ARHGAP35: variants seen among roughly 807,000 people sequenced by gnomAD.
ARHGAP35 encodes rho GTPase-activating protein 35.
Under a neutral mutation model 111.1 loss-of-function variants are expected in ARHGAP35, and 15 were observed. The ratio of observed to expected loss-of-function variants is 0.13; its 90% CI spans 0.09 to 0.21. The LOEUF is 0.21. ARHGAP35 is among the 10% of genes least tolerant of loss of function. ARHGAP35 has a pLI of 1.00. For missense variants in ARHGAP35, 1,262 were observed against 1,873.0 expected (o/e 0.67, Z 6.02); for synonymous variants, 643 against 710.3 (o/e 0.91, Z 1.51).
At chr19:46,873,778 T>C (rs2055901125) in intron 1 of ARHGAP35, among the ~76,000 whole-genome samples, 1 of 152,060 alleles carries the variant, frequency 6.6e-6, no homozygotes, top group Admixed American at 6.5e-5. Flanking sequence ...GACGGAGTTT[T>C]GCCCTTGTTG....
Position 46,868,379 on chromosome 19 carries a change from CTATA to C in ARHGAP35, c.-189+7173_-189+7176del, listed in dbSNP as rs1490806800. Among the ~76,000 whole-genome samples the C allele has an allele frequency of 2.6e-5, 4 of 152,232 alleles. No homozygotes were observed. In the East Asian group the frequency reaches 7.7e-4, roughly 29 times the overall value. ...TTTATGGTCAATTGTAAACAATTAA[CTATA>C]TAGGGTGAAGGGAAGTAAATGTTGA... On this transcript the variant is annotated intron_variant, in intron 1 of 6. Coordinates refer to ENST00000672722, the MANE Select transcript of ARHGAP35 (RefSeq NM_004491.5).
In ARHGAP35 at chr19:46,994,483, C is replaced by T. The variant is rs1568490395; in HGVS notation, c.4036+4808C>T. ...TCCCCAGGCCTCTGGCTTGGAGCCT[C>T]GGGAGTCTGTGCTTGACCACACCCA... On this transcript the variant is annotated intron_variant, in intron 5 of 6. Transcript: ENST00000672722. This position sits in a 1 kb window ranked among gnomAD's most constrained non-coding sequence, Gnocchi z 5.4. 1.3e-5 allele frequency among the ~76,000 whole-genome samples: 2 copies of T among 152,166 alleles called. No homozygotes were observed. Among genetic ancestry groups the T allele is most frequent in the South Asian group, 4.1e-4 (2 of 4,828 alleles).
intron 3 of ARHGAP35, among the ~76,000 whole-genome samples, chr19:46,952,488 A>C (rs901005102): frequency 3.9e-5 from 6 of 152,244 alleles, no homozygotes; most frequent in African/African-American, 1.4e-4. Context: ...AGTAATTCTC[A>C]AATGTGCAAA....
Position 46,908,154 on chromosome 19 carries a change from C to G in ARHGAP35, c.-188-10334C>G, listed in dbSNP as rs1335750508. Among the ~76,000 whole-genome samples, 3 of 152,092 alleles carry G rather than the reference C, an allele frequency of 2.0e-5. No individual in the cohort carries two copies. The highest frequency in any genetic ancestry group is 7.2e-5 in the African/African-American group (3 of 41,420). Reference sequence around the variant, plus strand: ...CAGGGACATTTATATAGAGAATGTTCTTTCAAAAAGAACTTTTTTCCTAGT... The same window carrying G: ...CAGGGACATTTATATAGAGAATGTTGTTTCAAAAAGAACTTTTTTCCTAGT... On this transcript the variant is annotated intron_variant, in intron 1 of 6. Coordinates refer to ENST00000672722, the MANE Select transcript of ARHGAP35 (RefSeq NM_004491.5). This position sits in a 1 kb window ranked among gnomAD's most constrained non-coding sequence, Gnocchi z 4.2.
intron 1 of ARHGAP35, among the ~76,000 whole-genome samples, chr19:46,876,197 T>A (rs1386766458): frequency 2.0e-5 from 3 of 151,950 alleles, no homozygotes; most frequent in Non-Finnish European, 2.9e-5. Flanking sequence ...GGCTTTATTT[T>A]TTTTTTTTAA....
intron 1 of ARHGAP35, among the ~76,000 whole-genome samples, chr19:46,872,297 T>C (rs2055891759): frequency 6.6e-6 from 1 of 151,998 alleles, no homozygotes; most frequent in South Asian, 2.1e-4. Flanking sequence ...GTGGAAGAAA[T>C]ATGCTGAAGT....
rs4804007 is a variant in ARHGAP35 at position 46,867,384 on chromosome 19, G to A, written c.-189+6175G>A. 7.9e-3 allele frequency among the ~76,000 whole-genome samples: 1,203 copies of A among 152,286 alleles called. 48 individuals are homozygous for A. Among genetic ancestry groups the A allele is most frequent in the Admixed American group, 0.067 (1,018 of 15,292 alleles). On this transcript the variant is annotated intron_variant, in intron 1 of 6. Coordinates refer to ENST00000672722, the MANE Select transcript of ARHGAP35 (RefSeq NM_004491.5). The stretch of plus-strand genomic sequence containing the variant: ...TGATGCCCTCGTCCTGGCCACTGTA[G>A]TAAACTGGTAATTGCATTTGGACAA...
intron 1 of ARHGAP35, among the ~76,000 whole-genome samples, chr19:46,881,730 G>C (rs1795166086): frequency 1.3e-5 from 2 of 152,200 alleles, no homozygotes; most frequent in South Asian, 4.1e-4. Flanking sequence ...AGCTGCATTT[G>C]TCTCTAACAA....
intron 3 of ARHGAP35, among the ~76,000 whole-genome samples, chr19:46,959,941 A>ATT (rs1568480058): frequency 6.7e-6 from 1 of 149,600 alleles, no homozygotes. Flanking sequence ...CTACAAAAAA[A>ATT]ATTTTTTTTT....
At chr19:46,990,639 C>G (rs927794206) in intron 5 of ARHGAP35, among the ~76,000 whole-genome samples, 4 of 152,216 alleles carry the variant, frequency 2.6e-5, no homozygotes, top group Non-Finnish European at 5.9e-5. Flanking sequence ...TTAGTCTCAT[C>G]TTGTCACTGC....
At chr19:46,947,948 G>A (rs903616908) in intron 3 of ARHGAP35, 1 of 152,234 alleles carries the variant, frequency 6.6e-6, no homozygotes, top group African/African-American at 2.4e-5. Context: ...AGGTACAGGG[G>A]AAGGTCGTGC....
At chr19:46,878,640 G>T (rs9989699) in intron 1 of ARHGAP35, among the ~76,000 whole-genome samples, 4,065 of 151,942 alleles carry the variant, frequency 0.027, 180 homozygotes, top group African/African-American at 0.091. Flanking sequence ...CTTTGTTTTT[G>T]TTGTTGTTGT....
chr19:46,872,759 T>TA (rs1308201802), intron 1 of ARHGAP35, among the ~76,000 whole-genome samples: 2 of 151,684 alleles, frequency 1.3e-5, no homozygotes, highest in Non-Finnish European at 2.9e-5. Context: ...CAGGCGCCTG[T>TA]AGTCCCAGCT....
At chr19:46,995,297 A>C (rs1182481066) in intron 5 of ARHGAP35, among the ~76,000 whole-genome samples, 1 of 152,174 alleles carries the variant, frequency 6.6e-6, no homozygotes, top group African/African-American at 2.4e-5. Context: ...GCTACTCAGG[A>C]GGCTGAGGCA....
chr19:46,974,583 C>A (rs896026655), intron 3 of ARHGAP35, among the ~76,000 whole-genome samples: 7 of 152,316 alleles, frequency 4.6e-5, no homozygotes, highest in African/African-American at 1.2e-4. Flanking sequence ...TGGATACACA[C>A]TCTCCCAGCA....
intron 1 of ARHGAP35, among the ~76,000 whole-genome samples, chr19:46,894,453 T>G (rs1229118849): frequency 4.0e-5 from 6 of 149,006 alleles, no homozygotes; most frequent in African/African-American, 2.5e-5. Context: ...TGGTTTTTTT[T>G]TTTTTTTTTT....
intron 1 of ARHGAP35, among the ~76,000 whole-genome samples, chr19:46,864,197 G>A (rs2055843671): frequency 6.6e-6 from 1 of 152,220 alleles, no homozygotes. Flanking sequence ...CTTATTATCT[G>A]AGAAATGCGT....
chr19:46,895,915 C>T (rs968466729), intron 1 of ARHGAP35, among the ~76,000 whole-genome samples: 36 of 151,990 alleles, frequency 2.4e-4, no homozygotes, highest in African/African-American at 8.7e-4. Flanking sequence ...CCAGCCTGGC[C>T]AACATGGTGA....
chr19:46,938,947 G>T (rs11083853), intron 3 of ARHGAP35, among the ~76,000 whole-genome samples: 9,446 of 152,194 alleles, frequency 0.062, 431 homozygotes, highest in East Asian at 0.18. Context: ...GAGCCACTGC[G>T]CCTGGCCTGA....
Sources: allele counts gnomAD v4.1 joint callset (sites outside exome capture counted in the v4.1 genomes callset), GRCh38; gene constraint gnomAD v4.1.1; non-coding constraint Gnocchi (gnomAD v3.1); transcripts MANE v1.5; gene names NCBI Gene and HGNC (gene_info 2026-07-23, HGNC 2026-07-21).